SLC39A11: variants seen among roughly 807,000 people sequenced by gnomAD.
The protein encoded by SLC39A11 is solute carrier family 39 member 11, also known as zinc transporter ZIP11.
A neutral mutation model predicts 36.1 loss-of-function variants in SLC39A11; 33 were observed. The observed-to-expected ratio is 0.91, with a 90% CI of 0.69 to 1.22. The LOEUF (loss-of-function observed/expected upper bound fraction) is 1.22. SLC39A11 is among the 50% of genes most tolerant of loss of function. The probability of loss-of-function intolerance (pLI) is 0.00; values close to 1 mark genes in which losing one functional copy is unlikely to be tolerated. For synonymous variants in SLC39A11, 166 were observed against 170.3 expected (o/e 0.97, Z 0.20); for missense variants, 432 against 430.3 (o/e 1.00, Z -0.03).
intron 1 of SLC39A11, among the ~76,000 whole-genome samples, chr17:73,090,824 C>A (rs772842227): frequency 5.9e-5 from 9 of 152,098 alleles, no homozygotes; most frequent in Non-Finnish European, 1.0e-4. Context: ...ATCTGAGCAC[C>A]CTCCTGAGTA....
intron 4 of SLC39A11, among the ~76,000 whole-genome samples, chr17:73,005,620 G>C (rs2090135612): frequency 6.6e-6 from 1 of 152,118 alleles, no homozygotes; most frequent in South Asian, 2.1e-4. Flanking sequence ...GCTCACAGAG[G>C]CTCCATCTCA....
intron 4 of SLC39A11, among the ~76,000 whole-genome samples, chr17:72,961,007 T>A (rs1237750925): frequency 6.6e-6 from 1 of 152,210 alleles, no homozygotes; most frequent in Non-Finnish European, 1.5e-5. Context: ...TGATTTTTCC[T>A]GACTCCAGGA....
At chr17:72,925,627 G>A (rs1034636106) in intron 5 of SLC39A11, among the ~76,000 whole-genome samples, 1 of 152,166 alleles carries the variant, frequency 6.6e-6, no homozygotes, top group Non-Finnish European at 1.5e-5. Flanking sequence ...ACCTGGAATT[G>A]CAGTACCTGC....
At chr17:73,087,480 C>T (rs181391342) in intron 2 of SLC39A11, among the ~76,000 whole-genome samples, 3 of 152,138 alleles carry the variant, frequency 2.0e-5, no homozygotes, top group South Asian at 4.1e-4. Flanking sequence ...CCGAGGTGAT[C>T]GATGCAGGGA....
At chr17:72,798,995 T>C (rs2076992573) in intron 6 of SLC39A11, among the ~76,000 whole-genome samples, 1 of 151,866 alleles carries the variant, frequency 6.6e-6, no homozygotes, top group African/African-American at 2.4e-5. Context: ...AAGAGGACCA[T>C]GGGTTGGTGG....
chr17:72,953,987 C>T (rs1416998187), intron 4 of SLC39A11, among the ~76,000 whole-genome samples: 1 of 152,222 alleles, frequency 6.6e-6, no homozygotes, highest in East Asian at 1.9e-4. Flanking sequence ...TCAACTAAGG[C>T]TGTGATGACC....
chr17:73,072,266 C>T (rs1389420294), intron 3 of SLC39A11: 1 of 152,394 alleles, frequency 6.6e-6, no homozygotes, highest in Non-Finnish European at 1.5e-5. Flanking sequence ...CAGGGAAACA[C>T]AGAAGGGTAG....
rs951140591 is a variant in SLC39A11, at chr17:72,817,346, G to A, written c.601+32288C>T. The stretch of plus-strand genomic sequence containing the variant: ...AGGGAGGGAGGGAAGGAAAAGAAGG[G>A]GGAGGGGGAGGAGGAGGAGGAGGAG... On this transcript the variant is annotated intron_variant, in intron 6 of 9. Coordinates refer to ENST00000255559, the MANE Select transcript of SLC39A11 (RefSeq NM_139177.4). Among the ~76,000 whole-genome samples, 12 of 108,176 alleles carry A rather than the reference G, an allele frequency of 1.1e-4. No homozygotes were observed. In the Admixed American group the frequency reaches 1.1e-3, roughly 10 times the overall value. The allele number at this position is 108,176 out of a possible 152,430, so 71.0% of individuals were successfully genotyped here.
chr17:73,028,429 C>T (rs1309289847), intron 4 of SLC39A11, among the ~76,000 whole-genome samples: 1 of 152,132 alleles, frequency 6.6e-6, no homozygotes, highest in Admixed American at 6.6e-5. Flanking sequence ...AACCTTTGGC[C>T]AGCCTCAGAG....
chr17:72,735,614 GT>G (rs1287175942), intron 7 of SLC39A11, among the ~76,000 whole-genome samples: 3 of 152,192 alleles, frequency 2.0e-5, no homozygotes, highest in Admixed American at 6.5e-5. Context: ...TGCGCGTGCT[GT>G]TTAAAGTTCG....
At chr17:72,888,136 T>C (rs949417721) in intron 5 of SLC39A11, among the ~76,000 whole-genome samples, 2 of 152,246 alleles carry the variant, frequency 1.3e-5, no homozygotes, top group Admixed American at 6.5e-5. Context: ...TGAATAACTA[T>C]TCCACAGATA....
intron 3 of SLC39A11, among the ~76,000 whole-genome samples, chr17:73,033,770 C>G (rs1267457420): frequency 6.6e-6 from 1 of 152,192 alleles, no homozygotes; most frequent in Non-Finnish European, 1.5e-5. Flanking sequence ...CTTAAAAAAT[C>G]ATCTGCATCA....
intron 7 of SLC39A11, among the ~76,000 whole-genome samples, chr17:72,657,111 C>T (rs569313733): frequency 2.6e-5 from 4 of 152,206 alleles, no homozygotes; most frequent in African/African-American, 9.6e-5. Flanking sequence ...CCTGTAATCC[C>T]AACACTTTGG....
chr17:73,052,190 A>G (rs2059527752), intron 3 of SLC39A11, among the ~76,000 whole-genome samples: 1 of 149,050 alleles, frequency 6.7e-6, no homozygotes, highest in Non-Finnish European at 1.5e-5. Flanking sequence ...AAAAAAAAAG[A>G]AGAAAGCCTC....
chr17:72,986,497 A>T (rs1202170579), intron 4 of SLC39A11, among the ~76,000 whole-genome samples: 2 of 152,278 alleles, frequency 1.3e-5, no homozygotes, highest in Non-Finnish European at 2.9e-5. Context: ...CAGACCCTCC[A>T]AGGACCCTTC....
intron 6 of SLC39A11, among the ~76,000 whole-genome samples, chr17:72,750,312 G>C (rs1189660029): frequency 6.6e-6 from 1 of 152,066 alleles, no homozygotes; most frequent in East Asian, 1.9e-4. Context: ...CCTAGGGCCA[G>C]ATACCTCGGA....
At chr17:72,898,245 C>T (rs375644494) in intron 5 of SLC39A11, among the ~76,000 whole-genome samples, 1 of 152,068 alleles carries the variant, frequency 6.6e-6, no homozygotes, top group Non-Finnish European at 1.5e-5. Flanking sequence ...TTCAACTGGC[C>T]GCCCCCAAAG....
chr17:73,027,805 G>A (rs1315701554), intron 4 of SLC39A11, among the ~76,000 whole-genome samples: 1 of 152,186 alleles, frequency 6.6e-6, no homozygotes, highest in South Asian at 2.1e-4. Context: ...GAATGGTCAC[G>A]GGCAAGGGTC....
At chr17:72,928,634 TGATAG>T (rs1000674555) in intron 5 of SLC39A11, among the ~76,000 whole-genome samples, 1 of 152,150 alleles carries the variant, frequency 6.6e-6, no homozygotes, top group Non-Finnish European at 1.5e-5. Flanking sequence ...CCCAGGGCCC[TGATAG>T]TTGATTCTCT....
Sources: allele counts gnomAD v4.1 joint callset (sites outside exome capture counted in the v4.1 genomes callset), GRCh38; gene constraint gnomAD v4.1.1; transcripts MANE v1.5; gene names NCBI Gene and HGNC (gene_info 2026-07-23, HGNC 2026-07-21).